MFSD11: variants seen among roughly 807,000 people sequenced by gnomAD.
The protein encoded by MFSD11 is major facilitator superfamily domain containing 11.
Under a neutral mutation model 53.5 loss-of-function variants are expected in MFSD11, and 36 were observed. That is an observed-to-expected ratio of 0.67 (90% CI 0.52 to 0.89). MFSD11 has a LOEUF of 0.89. Among genes scored for constraint, MFSD11 ranks in the 40% least tolerant of loss-of-function variants. MFSD11 has a pLI of 0.00. For synonymous variants in MFSD11, 186 were observed against 184.9 expected, an observed-to-expected ratio of 1.01 and a Z score of -0.05; for missense variants, 530 against 543.9, an observed-to-expected ratio of 0.97 and a Z score of 0.25.
At position 76,747,253 on chromosome 17, in the gene MFSD11, C is replaced by T. The variant is rs576190627; in HGVS notation, c.641+2787C>T. Among the ~76,000 whole-genome samples the T allele has an allele frequency of 5.3e-5, 8 of 152,176 alleles. No individual in the cohort carries two copies. In the East Asian group the frequency reaches 1.2e-3, roughly 22 times the overall value. ...CTGGGGCTGGGTACAGTGGCTCACG[C>T]CTGTAATCCCAGCACTTTGGGAGGC... On this transcript the variant is annotated intron_variant, in intron 7 of 12. Transcript: ENST00000685175.
At chr17:76,789,876 C>T in the MFSD11 span, among the ~76,000 whole-genome samples, 2 of 150,036 alleles carry the variant, frequency 1.3e-5, no homozygotes, top group Non-Finnish European at 3.0e-5. Context: ...AAATATCTTG[C>T]AGAGTTTGGT....
rs1568036051 is a variant in MFSD11 at position 76,738,918 on chromosome 17, T to C, written c.97-20T>C. On this transcript the variant is annotated intron_variant, in intron 1 of 12. Transcript: ENST00000685175. ...GAGACTGCAAAACATTTTCGTTGAT[T>C]AGTTTTATCTTCCACACAGCAAACT... 1.9e-6 allele frequency: 3 copies of C among 1,610,808 alleles called. No individual in the cohort carries two copies. Among genetic ancestry groups the C allele is most frequent in the East Asian group, 2.2e-5 (1 of 44,874 alleles).
Position 76,776,284 on chromosome 17 carries a change from T to G in MFSD11, c.1050-122T>G. The G allele has an allele frequency of 1.9e-6, 2 of 1,045,174 alleles. No individual in the cohort carries two copies. The highest frequency in any genetic ancestry group is 2.7e-6 in the Non-Finnish European group (2 of 732,130). 64.7% of individuals were successfully genotyped at this position (1,045,174 alleles called of 1,614,324 possible). The stretch of plus-strand genomic sequence containing the variant: ...GTGAGCCACCGCACCAGCTTTGTCT[T>G]TATTTTTGTTTCATAGTGTTTACAA... On this transcript the variant is annotated intron_variant, in intron 11 of 12. Coordinates refer to ENST00000685175, the MANE Select transcript of MFSD11 (RefSeq NM_001242532.5). This position sits in a 1 kb window ranked among gnomAD's most constrained non-coding sequence, Gnocchi z 4.2.
chr17:76,796,978 A>G, the MFSD11 span, among the ~76,000 whole-genome samples: 2 of 151,682 alleles, frequency 1.3e-5, no homozygotes, highest in East Asian at 1.9e-4. Flanking sequence ...GACCAGCCTG[A>G]CCAACATGGT....
intron 6 of MFSD11, among the ~76,000 whole-genome samples, chr17:76,743,857 C>G (rs529117147): frequency 6.6e-6 from 1 of 152,096 alleles, no homozygotes; most frequent in Admixed American, 6.6e-5. Flanking sequence ...TCAGGTGATC[C>G]GCCCTCCTCA....
Position 76,756,736 on chromosome 17 carries a change from T to C in MFSD11, c.682+2649T>C, listed in dbSNP as rs188507640. Among the ~76,000 whole-genome samples, 1,383 of 152,112 alleles carry C rather than the reference T, an allele frequency of 9.1e-3. 20 individuals are homozygous for C. The highest frequency in any genetic ancestry group is 0.031 in the African/African-American group (1,282 of 41,500). ...TTAGCCAGGCATGGTGGCGGATGCCTGTAATCCCAGCTACTCAGGAGGCTG... is the reference window on the plus strand; with the variant it reads ...TTAGCCAGGCATGGTGGCGGATGCCCGTAATCCCAGCTACTCAGGAGGCTG... On this transcript the variant is annotated intron_variant, in intron 8 of 12. Transcript: ENST00000685175.
intron 2 of MFSD11, among the ~76,000 whole-genome samples, chr17:76,739,689 C>G (rs2077864728): frequency 6.6e-6 from 1 of 152,130 alleles, no homozygotes; most frequent in African/African-American, 2.4e-5. Context: ...CTTAATTTCT[C>G]TAGAGTTAGA....
At chr17:76,738,902 A>G in intron 1 of MFSD11, 36 bp from the exon 2 acceptor site, 2 of 1,596,840 alleles carry the variant, frequency 1.3e-6, no homozygotes, top group South Asian at 1.1e-5. Context: ...GGAGACTGCA[A>G]AACATTTTCG....
intron 7 of MFSD11, among the ~76,000 whole-genome samples, chr17:76,749,142 G>A (rs987199693): frequency 1.3e-5 from 2 of 152,166 alleles, no homozygotes; most frequent in Non-Finnish European, 2.9e-5. Flanking sequence ...TATTCACAGA[G>A]TTGTGCGTCC....
the MFSD11 span, among the ~76,000 whole-genome samples, chr17:76,789,349 G>C: frequency 0.027 from 4,016 of 149,612 alleles, 315 homozygotes; most frequent in African/African-American, 0.093. Context: ...ACAGTGACCT[G>C]CCAGCACTTG....
chr17:76,789,407 G>A, the MFSD11 span, among the ~76,000 whole-genome samples: 4 of 150,062 alleles, frequency 2.7e-5, no homozygotes, highest in East Asian at 1.9e-4. Context: ...GTGTATGCTC[G>A]TTTGAGGCAT....
At position 76,775,059 on chromosome 17, in the gene MFSD11, T is replaced by C; in HGVS notation, c.937T>C (p.Leu313=). Residue 313 remains leucine (L), a synonymous_variant, in exon 11 of 13, where the codon TTG becomes CTG. Coordinates refer to ENST00000685175, the MANE Select transcript of MFSD11 (RefSeq NM_001242532.5). ...NRFGRNPVVL[L]GILVHFIAFY... is the part of the protein sequence containing the mutation. Reference sequence around the variant, plus strand: ...TTTTGGTAGAAATCCAGTTGTGCTGTTGGGCATCCTGGTGCACTTCATAGC... The same window carrying C: ...TTTTGGTAGAAATCCAGTTGTGCTGCTGGGCATCCTGGTGCACTTCATAGC... 1 of 1,614,138 alleles carries C rather than the reference T, an allele frequency of 6.2e-7. No homozygotes were observed. The highest frequency in any genetic ancestry group is 2.2e-5 in the East Asian group (1 of 44,888).
rs1598516587 is a variant in MFSD11 at position 76,746,394 on chromosome 17, T to C, written c.641+1928T>C. On this transcript the variant is annotated intron_variant, in intron 7 of 12. Coordinates refer to ENST00000685175, the MANE Select transcript of MFSD11 (RefSeq NM_001242532.5). ...GTGCTGCTGGAGAAGCTGCAGCAAG[T>C]TATCCAGAAGATCTGGCCATTATAA... Among the ~76,000 whole-genome samples, 3 of 152,342 alleles carry C rather than the reference T, an allele frequency of 2.0e-5. No homozygotes were observed. In the South Asian group the frequency reaches 6.2e-4, roughly 32 times the overall value.
At chr17:76,763,530 C>G (rs1045964630) in intron 8 of MFSD11, among the ~76,000 whole-genome samples, 11 of 152,122 alleles carry the variant, frequency 7.2e-5, no homozygotes, top group Non-Finnish European at 1.0e-4. Flanking sequence ...TCCCAAAGTG[C>G]TGGGATTACA....
downstream of MFSD11, among the ~76,000 whole-genome samples, chr17:76,786,144 AT>A (rs1158677966): frequency 3.1e-3 from 400 of 130,878 alleles, 3 homozygotes; most frequent in East Asian, 0.051. Flanking sequence ...AGCTCTTCTA[AT>A]TTTTTTTTTT....
chr17:76,782,975 G>T (rs985797031), downstream of MFSD11, among the ~76,000 whole-genome samples: 1 of 151,500 alleles, frequency 6.6e-6, no homozygotes, highest in African/African-American at 2.4e-5. Context: ...TCAAGAGTTC[G>T]AGACCAGCCT....
the MFSD11 span, among the ~76,000 whole-genome samples, chr17:76,796,905 C>T: frequency 6.6e-6 from 1 of 151,870 alleles, no homozygotes; most frequent in Non-Finnish European, 1.5e-5. Flanking sequence ...CACGGTGGCT[C>T]ATGCCTGTAA....
chr17:76,784,806 G>A (rs1215838814), downstream of MFSD11, among the ~76,000 whole-genome samples: 1 of 151,992 alleles, frequency 6.6e-6, no homozygotes, highest in African/African-American at 2.4e-5. Flanking sequence ...GGCTAACGCA[G>A]GATAATCGCT....
downstream of MFSD11, among the ~76,000 whole-genome samples, chr17:76,782,827 T>C (rs2082202869): frequency 6.6e-6 from 1 of 152,138 alleles, no homozygotes; most frequent in Admixed American, 6.6e-5. Context: ...GTTGACTCTT[T>C]AGATGACTGG....
Sources: gnomAD v4.1 joint callset for allele counts (sites outside exome capture counted in the v4.1 genomes callset) on GRCh38, gnomAD v4.1.1 for gene constraint, Gnocchi (gnomAD v3.1) non-coding constraint, MANE v1.5 for transcripts, NCBI Gene and HGNC (gene_info 2026-07-23, HGNC 2026-07-21) for gene names.